Variants in KDM2B observed in about 807,000 individuals in gnomAD.
KDM2B encodes lysine demethylase 2B.
In KDM2B, 26 loss-of-function variants were observed where a neutral mutation model predicts 150.0. The ratio of observed to expected loss-of-function variants is 0.17; its 90% CI spans 0.13 to 0.24. The LOEUF (loss-of-function observed/expected upper bound fraction) is 0.24. KDM2B is among the 10% of genes least tolerant of loss of function. The probability of loss-of-function intolerance (pLI) is 1.00; values close to 1 mark genes in which losing one functional copy is unlikely to be tolerated. For synonymous variants in KDM2B, 734 were observed against 729.5 expected (o/e 1.01, Z -0.10); for missense variants, 1,265 against 1,816.9 (o/e 0.70, Z 5.52).
chr12:121,459,134 C>T (rs1249137508), intron 12 of KDM2B, among the ~76,000 whole-genome samples: 6 of 147,948 alleles, frequency 4.1e-5, no homozygotes, highest in African/African-American at 1.5e-4. Context: ...AAACTCACTA[C>T]AAAGCTACAA....
At chr12:121,412,230 C>CTTTT in the KDM2B span, among the ~76,000 whole-genome samples, 1 of 49,610 alleles carries the variant, frequency 2.0e-5, no homozygotes, top group South Asian at 9.5e-4. Flanking sequence ...CCCAACTAAT[C>CTTTT]TTTTTTTTTT....
chr12:121,463,273 G>A (rs999720153), intron 12 of KDM2B, among the ~76,000 whole-genome samples: 2 of 151,228 alleles, frequency 1.3e-5, no homozygotes, highest in Non-Finnish European at 2.9e-5. Flanking sequence ...CTGAGATCGC[G>A]TCACTGCACT....
At position 121,580,556 on chromosome 12, in the gene KDM2B, C is replaced by T. The variant is rs1891895398; in HGVS notation, c.126+230G>A. ...GCCGAGTTGCAGGCGGCGGGCGCAT[C>T]CCGGAGATGGCGGGGCAGGGAGGGA... On this transcript the variant is annotated intron_variant, in intron 1 of 22. Transcript: ENST00000377071. The T allele has an allele frequency of 2.8e-6, 3 of 1,085,496 alleles. No homozygotes were observed. The South Asian group carries it at 6.1e-5, about 22-fold the overall frequency. 67.2% of individuals were successfully genotyped at this position (1,085,496 alleles called of 1,614,324 possible).
chr12:121,559,005 T>C (rs79020059), intron 4 of KDM2B, among the ~76,000 whole-genome samples: 12,570 of 152,246 alleles, frequency 0.083, 1,371 homozygotes, highest in African/African-American at 0.25. Flanking sequence ...AGATGCCACT[T>C]GGGACCAGTG....
At chr12:121,524,717 G>A (rs2141283664) in intron 8 of KDM2B, 1 of 453,976 alleles carries the variant, frequency 2.2e-6, no homozygotes, top group African/African-American at 2.0e-5. Flanking sequence ...AAGCATGAGA[G>A]CCGGTGCTCC....
At chr12:121,488,567 C>T (rs1160417533) in intron 12 of KDM2B, among the ~76,000 whole-genome samples, 3 of 152,178 alleles carry the variant, frequency 2.0e-5, no homozygotes, top group Non-Finnish European at 2.9e-5. Flanking sequence ...AAAAATGCAT[C>T]CGAGTAGTGC....
chr12:121,437,240 T>C (rs782346038), intron 22 of KDM2B, among the ~76,000 whole-genome samples: 14 of 151,978 alleles, frequency 9.2e-5, no homozygotes, highest in Non-Finnish European at 1.9e-4. Flanking sequence ...GAGCATTCAA[T>C]TCTGTTGTAC....
rs1459067289 is a variant in KDM2B at position 121,439,818 on chromosome 12, C to T, written c.3829+39G>A. On this transcript the variant is annotated intron_variant, in intron 22 of 22. Transcript: ENST00000377071. ...AAATGTGAACCTCCTGGTTCTCCCA[C>T]GGAGTGTTAGGCAGACCCGATGGGG... 4.8e-6 allele frequency: 7 copies of T among 1,471,558 alleles called. No homozygotes were observed. In the African/African-American group the frequency reaches 8.3e-5, roughly 18 times the overall value. 91.2% of individuals were successfully genotyped at this position (1,471,558 alleles called of 1,614,324 possible). A position where few individuals can be genotyped will look rare whatever the true frequency, so the allele number is the denominator to read the frequency against.
rs150113460 is a variant in KDM2B, at chr12:121,477,545, A to G, written c.1734+17034T>C. ...ACTACAGGTGCATGCCACCATGCCC[A>G]GCTAATTTTTTTCTTCTTTTCTTTT... On this transcript the variant is annotated intron_variant, in intron 12 of 22. Transcript: ENST00000377071. Among the ~76,000 whole-genome samples, 531 of 148,886 alleles carry G rather than the reference A, an allele frequency of 3.6e-3. 3 individuals carry two copies. Among genetic ancestry groups the G allele is most frequent in the African/African-American group, 0.013 (513 of 40,438 alleles).
chr12:121,561,827 A>G (rs1440058576), intron 4 of KDM2B, among the ~76,000 whole-genome samples: 1 of 152,202 alleles, frequency 6.6e-6, no homozygotes, highest in Non-Finnish European at 1.5e-5. Flanking sequence ...CAGGACTGGA[A>G]GAACTCTAAG....
At chr12:121,424,886 C>T (rs1872438908), downstream of KDM2B, among the ~76,000 whole-genome samples, 1 of 152,172 alleles carries the variant, frequency 6.6e-6, no homozygotes, top group South Asian at 2.1e-4. Flanking sequence ...CTGAAATAAA[C>T]ATTGCTTTGC....
intron 4 of KDM2B, among the ~76,000 whole-genome samples, chr12:121,553,072 AAT>A (rs1435148790): frequency 7.2e-5 from 11 of 151,814 alleles, no homozygotes; most frequent in Non-Finnish European, 1.3e-4. Flanking sequence ...GAATACTAAA[AAT>A]ACAAAAAATC....
chr12:121,553,682 A>T (rs142886823), intron 4 of KDM2B, among the ~76,000 whole-genome samples: 5 of 152,158 alleles, frequency 3.3e-5, no homozygotes, highest in African/African-American at 1.2e-4. Flanking sequence ...TTTCATCTGT[A>T]ACTAGAGGTG....
intron 12 of KDM2B, among the ~76,000 whole-genome samples, chr12:121,462,539 G>C (rs1372786151): frequency 1.3e-5 from 2 of 151,926 alleles, no homozygotes; most frequent in East Asian, 1.9e-4. Flanking sequence ...TGTTGCCTGG[G>C]CTAGAGTGCA....
Position 121,442,302 on chromosome 12 carries a change from G to C in KDM2B, c.3139C>G (p.Pro1047Ala), listed in dbSNP as rs781985761. The C allele has an allele frequency of 2.5e-6, 4 of 1,610,552 alleles. 1 individual carries two copies. In the South Asian group the frequency reaches 4.4e-5, roughly 18 times the overall value. The change falls in exon 19 of 23, where the codon CCC (proline) becomes GCC (alanine). Residue 1047 changes from proline to alanine, a missense_variant. By Grantham distance (27) the Pro-to-Ala change is conservative. This residue lies in a region of KDM2B where 251 missense variants were observed against 397.8 expected (regional missense o/e 0.63). Transcript: ENST00000377071. This position sits in a 1 kb window ranked among gnomAD's most constrained non-coding sequence, Gnocchi z 7.7. ...AGCGAGTCAGGCGGGGGGCTGATGG[G>C]GGGTGGCCGGATCACATGGCGCTCC... ...QMERHVIRPP[P>A]ISPPPDSLPL...
intron 11 of KDM2B, among the ~76,000 whole-genome samples, chr12:121,501,417 A>C (rs1056642991): frequency 2.3e-4 from 35 of 152,074 alleles, no homozygotes; most frequent in African/African-American, 8.5e-4. Flanking sequence ...AAAGACCAAA[A>C]ATAAGAAAAG....
At chr12:121,567,036 C>G (rs1312104639) in intron 4 of KDM2B, among the ~76,000 whole-genome samples, 6 of 151,906 alleles carry the variant, frequency 3.9e-5, no homozygotes, top group Non-Finnish European at 8.8e-5. Context: ...TGTGAGCCAC[C>G]ACACCCTGCC....
Position 121,430,290 on chromosome 12 carries a change from AACTC to A in KDM2B, c.4005_4008del (p.Ter1337ProfsTer6). On this transcript the variant is annotated frameshift_variant, in exon 23 of 23. Transcript: ENST00000377071. LOFTEE classifies it high-confidence loss of function. The surrounding 1 kb of genome is among the most constrained non-coding windows in gnomAD (Gnocchi z 4.4). ...GTATTTACATACTTATCCTTGGACT[AACTC>A]AGTTTTTGCAGGAGTTTTTCTTCTA... 6.2e-7 allele frequency: 1 copy of A among 1,614,178 alleles called. No individual in the cohort carries two copies.
At chr12:121,573,285 CTT>C (rs34937823) in intron 4 of KDM2B, among the ~76,000 whole-genome samples, 67 of 141,946 alleles carry the variant, frequency 4.7e-4, no homozygotes, top group Non-Finnish European at 3.7e-4. Context: ...ACACTGTTTA[CTT>C]TTTTTTTTTT....
Sources: allele counts gnomAD v4.1 joint callset (sites outside exome capture counted in the v4.1 genomes callset), GRCh38; gene constraint gnomAD v4.1.1; regional missense constraint gnomAD v4.1.1; non-coding constraint Gnocchi (gnomAD v3.1); transcripts MANE v1.5; gene names NCBI Gene and HGNC (gene_info 2026-07-23, HGNC 2026-07-21).